LSAMP: variants seen among roughly 807,000 people sequenced by gnomAD.
LSAMP encodes limbic system-associated membrane protein.
Under a neutral mutation model 38.6 loss-of-function variants are expected in LSAMP, and 7 were observed. The ratio of observed to expected loss-of-function variants is 0.18; its 90% confidence interval spans 0.10 to 0.34. The LOEUF (loss-of-function observed/expected upper bound fraction) is 0.34. LSAMP is among the 10% of genes least tolerant of loss of function. The pLI, the probability that LSAMP is intolerant of heterozygous loss-of-function variation, is 1.00. For missense variants in LSAMP, 313 were observed against 420.0 expected, an observed-to-expected ratio of 0.75 and a Z score of 2.23; for synonymous variants, 154 against 166.8, an observed-to-expected ratio of 0.92 and a Z score of 0.59.
chr3:116,274,064 T>G (rs2047015747), intron 1 of LSAMP, among the ~76,000 whole-genome samples: 1 of 142,884 alleles, frequency 7.0e-6, no homozygotes. Context: ...ATAAATTATT[T>G]CAGAGGAGTT....
chr3:116,254,249 G>C (rs2046721784), intron 1 of LSAMP, among the ~76,000 whole-genome samples: 1 of 152,120 alleles, frequency 6.6e-6, no homozygotes, highest in East Asian at 1.9e-4. Context: ...CCACAAATTA[G>C]AGCTGCATTT....
intron 1 of LSAMP, among the ~76,000 whole-genome samples, chr3:116,376,652 C>A (rs551224950): frequency 6.6e-6 from 1 of 152,098 alleles, no homozygotes; most frequent in African/African-American, 2.4e-5. Flanking sequence ...ATTTATGTAA[C>A]TGGATCTCTC....
intron 3 of LSAMP, among the ~76,000 whole-genome samples, chr3:115,995,512 C>T (rs573638593): frequency 6.6e-6 from 1 of 152,148 alleles, no homozygotes; most frequent in East Asian, 1.9e-4. Flanking sequence ...ATACCAATTT[C>T]TAATGATTGA....
At chr3:115,866,894 G>A (rs867998870) in intron 3 of LSAMP, among the ~76,000 whole-genome samples, 4 of 152,058 alleles carry the variant, frequency 2.6e-5, no homozygotes, top group African/African-American at 7.2e-5. Context: ...ATCAGCTAAC[G>A]TCTTAATTCT....
At chr3:116,315,111 A>T (rs2047610511) in intron 1 of LSAMP, among the ~76,000 whole-genome samples, 1 of 152,078 alleles carries the variant, frequency 6.6e-6, no homozygotes, top group South Asian at 2.1e-4. Context: ...TTCCCTAAAC[A>T]CACTTCCAGG....
At chr3:116,237,358 C>G (rs537944853) in intron 1 of LSAMP, among the ~76,000 whole-genome samples, 1 of 151,988 alleles carries the variant, frequency 6.6e-6, no homozygotes, top group Non-Finnish European at 1.5e-5. Context: ...TAAATATATC[C>G]TTTTTTCTTC....
intron 3 of LSAMP, among the ~76,000 whole-genome samples, chr3:115,933,869 A>G (rs146695921): frequency 1.3e-5 from 2 of 152,320 alleles, no homozygotes; most frequent in East Asian, 3.9e-4. Context: ...AGGAAATACT[A>G]TAGAAGAGTG....
chr3:116,312,682 C>A (rs2047572901), intron 1 of LSAMP, among the ~76,000 whole-genome samples: 2 of 152,184 alleles, frequency 1.3e-5, no homozygotes, highest in South Asian at 2.1e-4. Context: ...AGGTCACTAG[C>A]CTCATACCCA....
intron 3 of LSAMP, among the ~76,000 whole-genome samples, chr3:115,915,857 T>C (rs1423390751): frequency 2.0e-5 from 3 of 152,098 alleles, no homozygotes; most frequent in Non-Finnish European, 2.9e-5. Context: ...GGTCTCAATC[T>C]CTTGACCTCA....
At chr3:116,417,891 C>T (rs2049072792) in intron 1 of LSAMP, among the ~76,000 whole-genome samples, 1 of 152,142 alleles carries the variant, frequency 6.6e-6, no homozygotes, top group Admixed American at 6.6e-5. Context: ...GGAGTTCCTG[C>T]TGCAGGAGTC....
intron 3 of LSAMP, among the ~76,000 whole-genome samples, chr3:115,977,880 G>A (rs756666008): frequency 7.2e-5 from 11 of 152,040 alleles, no homozygotes; most frequent in Non-Finnish European, 1.0e-4. Flanking sequence ...TAGTCTTTAT[G>A]GCACTGAAGA....
chr3:116,291,506 C>T (rs552038391), intron 1 of LSAMP, among the ~76,000 whole-genome samples: 39 of 152,300 alleles, frequency 2.6e-4, no homozygotes, highest in African/African-American at 9.4e-4. Context: ...TTTTCAATTT[C>T]TCATATTCTA....
chr3:115,984,576 AT>A (rs1329518408), intron 3 of LSAMP, among the ~76,000 whole-genome samples: 1 of 152,214 alleles, frequency 6.6e-6, no homozygotes. Context: ...GATTCAATGA[AT>A]GTTTATCATA....
chr3:115,999,884 CTG>C (rs1939938811), intron 3 of LSAMP, among the ~76,000 whole-genome samples: 1 of 152,144 alleles, frequency 6.6e-6, no homozygotes, highest in African/African-American at 2.4e-5. Context: ...GCTTCTGCCA[CTG>C]CACAGCTGTC....
rs1030989047 is a variant in LSAMP at position 116,195,001 on chromosome 3, T to C, written c.156-108445A>G. ...CACTGTGCAGCAGACTGGTACAGGC[T>C]GTATTTCCCAGGATCCCCTGCCAAC... On this transcript the variant is annotated intron_variant, in intron 1 of 6. Coordinates refer to ENST00000490035, the MANE Select transcript of LSAMP (RefSeq NM_002338.5). 2.0e-5 allele frequency among the ~76,000 whole-genome samples: 3 copies of C among 152,248 alleles called. No individual in the cohort carries two copies. In the South Asian group the frequency reaches 6.2e-4, roughly 31 times the overall value.
At chr3:116,059,468 G>A (rs572989459) in intron 2 of LSAMP, among the ~76,000 whole-genome samples, 1 of 152,228 alleles carries the variant, frequency 6.6e-6, no homozygotes, top group South Asian at 2.1e-4. Flanking sequence ...TTCTGAAGAT[G>A]AAATAATTAT....
intron 3 of LSAMP, among the ~76,000 whole-genome samples, chr3:115,872,532 C>T (rs531639119): frequency 1.3e-5 from 2 of 151,696 alleles, no homozygotes; most frequent in South Asian, 2.1e-4. Flanking sequence ...GTATGAATGC[C>T]GACAGCAGGA....
Position 116,406,859 on chromosome 3 carries a change from T to C in LSAMP, c.155+38018A>G, listed in dbSNP as rs182696371. On this transcript the variant is annotated intron_variant, in intron 1 of 6. Transcript: ENST00000490035. ...AATAGGGCAGTAGAAAATGTAAGTA[T>C]AAAGAAAAGGAAGAGGAGGCCTAGA... Among the ~76,000 whole-genome samples, 243 of 151,444 alleles carry C rather than the reference T, an allele frequency of 1.6e-3. 2 individuals carry two copies. Among genetic ancestry groups the C allele is most frequent in the African/African-American group, 5.4e-3 (225 of 41,290 alleles).
chr3:116,266,788 T>C (rs557674092), intron 1 of LSAMP, among the ~76,000 whole-genome samples: 11 of 152,240 alleles, frequency 7.2e-5, no homozygotes, highest in African/African-American at 2.6e-4. Context: ...ATTAGTTATA[T>C]AATATATATG....
Sources: gnomAD v4.1 joint callset for allele counts (sites outside exome capture counted in the v4.1 genomes callset) on GRCh38, gnomAD v4.1.1 for gene constraint, MANE v1.5 for transcripts, NCBI Gene and HGNC (gene_info 2026-07-23, HGNC 2026-07-21) for gene names.